DBNL: variants seen among roughly 807,000 people sequenced by gnomAD.
DBNL encodes drebrin like.
A neutral mutation model predicts 62.2 loss-of-function variants in DBNL; 35 were observed. The ratio of observed to expected loss-of-function variants is 0.56; its 90% confidence interval spans 0.43 to 0.75. The LOEUF (loss-of-function observed/expected upper bound fraction) is 0.75. Ranked by LOEUF, DBNL falls within the 30% of genes least tolerant of loss-of-function variation. DBNL has a pLI of 0.00. For missense variants in DBNL, 495 were observed against 578.4 expected (o/e 0.86, Z 1.48); for synonymous variants, 197 against 218.0 (o/e 0.90, Z 0.85).
chr7:44,053,217 G>A (rs188231794), intron 4 of DBNL, among the ~76,000 whole-genome samples: 57 of 152,328 alleles, frequency 3.7e-4, no homozygotes, highest in African/African-American at 1.3e-3. Context: ...AGAAGGGTGG[G>A]CCCTGGTTCT....
In DBNL at chr7:44,050,236, C is replaced by T; in HGVS notation, c.95C>T (p.Thr32Ile). Residue 32 changes from threonine (T) to isoleucine (I), a missense_variant, in exon 2 of 13, where the codon ACC becomes ATC. Transcript: ENST00000448521. ...EKSPTDWALF[T>I]YEGNSNDIRV... ...GTGTTTCGTTTCAGGGCTCTCTTTACCTATGAAGGCAACAGCAATGACATC... is the reference window on the plus strand; with the variant it reads ...GTGTTTCGTTTCAGGGCTCTCTTTATCTATGAAGGCAACAGCAATGACATC... The T allele has an allele frequency of 6.2e-7, 1 of 1,613,750 alleles. No homozygotes were observed. Among genetic ancestry groups the T allele is most frequent in the Non-Finnish European group, 8.5e-7 (1 of 1,179,702 alleles).
intron 4 of DBNL, among the ~76,000 whole-genome samples, chr7:44,054,379 G>C (rs1405907859): frequency 1.3e-5 from 2 of 152,128 alleles, no homozygotes. Flanking sequence ...TTTTAGTAGA[G>C]ATGGTGTTTC....
Position 44,059,341 on chromosome 7 carries a change from C to A in DBNL, c.836-13C>A, listed in dbSNP as rs758203761. On this transcript the variant is annotated splice_polypyrimidine_tract_variant and intron_variant, in intron 9 of 12. Transcript: ENST00000448521. The surrounding 1 kb of genome is among the most constrained non-coding windows in gnomAD (Gnocchi z 4.1). Reference sequence around the variant, plus strand: ...GTTTCTGAAGTGATGTATATATTTACCCGGGTTTGCAGGCAAGCTGAGGAG... The same window carrying A: ...GTTTCTGAAGTGATGTATATATTTAACCGGGTTTGCAGGCAAGCTGAGGAG... 24 of 1,613,444 alleles carry A rather than the reference C, an allele frequency of 1.5e-5. No individual in the cohort carries two copies. Among genetic ancestry groups the A allele is most frequent in the Non-Finnish European group, 1.9e-5 (22 of 1,179,764 alleles).
chr7:44,060,992 C>T lies in DBNL; in HGVS notation c.*76C>T. 1 of 1,542,560 alleles carries T rather than the reference C, an allele frequency of 6.5e-7. No homozygotes were observed. The highest frequency in any genetic ancestry group is 8.7e-7 in the Non-Finnish European group (1 of 1,143,576). On this transcript the variant is annotated 3_prime_UTR_variant, in exon 13 of 13. Transcript: ENST00000448521. This position sits in a 1 kb window ranked among gnomAD's most constrained non-coding sequence, Gnocchi z 6.3. ...CTGGAAGAGGAGGCCTGGGAGTTGA[C>T]ATTCAGCACTCTTCCAGGAATAGGA...
In DBNL at chr7:44,068,605, A is replaced by T. The variant is rs1041518401; in HGVS notation, c.*7689A>T. On this transcript the variant is annotated 3_prime_UTR_variant, in exon 13 of 13. Coordinates refer to ENST00000448521, the MANE Select transcript of DBNL (RefSeq NM_001014436.3). ...GAAAATCTTAACATGGGAGAAAAGA[A>T]GATGATCAATACATGCCCATCCTGA... 3.3e-5 allele frequency: 5 copies of T among 152,272 alleles called. 1 individual carries two copies. The highest frequency in any genetic ancestry group is 7.3e-5 in the Non-Finnish European group (5 of 68,054). The allele number at this position is 152,272 out of a possible 1,614,324, so 9.4% of individuals were successfully genotyped here.
In DBNL at chr7:44,060,900, T is replaced by C; in HGVS notation, c.1277T>C (p.Val426Ala). 6.2e-7 allele frequency: 1 copy of C among 1,614,032 alleles called. No individual in the cohort carries two copies. Among genetic ancestry groups the C allele is most frequent in the Non-Finnish European group, 8.5e-7 (1 of 1,179,954 alleles). Residue 426 changes from valine to alanine, a missense_variant, in exon 13 of 13, where the codon GTG becomes GCG. Transcript: ENST00000448521. This position sits in a 1 kb window ranked among gnomAD's most constrained non-coding sequence, Gnocchi z 6.3. ...TTTGGCATGTTCCCTGCCAACTACGTGGAGCTCATTGAGTGAGGCTGAGGG... is the reference window on the plus strand; with the variant it reads ...TTTGGCATGTTCCCTGCCAACTACGCGGAGCTCATTGAGTGAGGCTGAGGG... ...GHFGMFPANY[V>A]ELIE
intron 4 of DBNL, 70 bp downstream of exon 4, chr7:44,053,011 T>C (rs932449164): frequency 7.7e-5 from 119 of 1,551,486 alleles, no homozygotes; most frequent in Non-Finnish European, 9.9e-5. Flanking sequence ...GGTTCCTGGG[T>C]GCGAGCAAGT....
rs893435652 is a variant in DBNL, at chr7:44,065,698, G to A, written c.*4782G>A. On this transcript the variant is annotated 3_prime_UTR_variant, in exon 13 of 13. Coordinates refer to ENST00000448521, the MANE Select transcript of DBNL (RefSeq NM_001014436.3). ...TGAGCTGCTGGGGGCTGGGGGCCAG[G>A]GGAGTGTGCAGGCCAAGAGGCTGTG... The A allele has an allele frequency of 1.7e-5, 12 of 686,722 alleles. No homozygotes were observed. The highest frequency in any genetic ancestry group is 2.6e-5 in the Non-Finnish European group (10 of 387,572). 42.5% of individuals were successfully genotyped at this position (686,722 alleles called of 1,614,324 possible). A position where few individuals can be genotyped will look rare whatever the true frequency, so the allele number is the denominator to read the frequency against.
chr7:44,059,532 C>G lies in DBNL; in HGVS notation c.932-11C>G. 6.2e-7 allele frequency: 1 copy of G among 1,613,462 alleles called. No homozygotes were observed. Among genetic ancestry groups the G allele is most frequent in the Non-Finnish European group, 8.5e-7 (1 of 1,179,800 alleles). The stretch of plus-strand genomic sequence containing the variant: ...TGTGGGAGTGAGAACCTGCTGTGTT[C>G]CCTGGTGCAGATCTCCCTGCTGAGG... On this transcript the variant is annotated splice_polypyrimidine_tract_variant and intron_variant, in intron 10 of 12. Coordinates refer to ENST00000448521, the MANE Select transcript of DBNL (RefSeq NM_001014436.3). The surrounding 1 kb of genome is among the most constrained non-coding windows in gnomAD (Gnocchi z 4.1).
chr7:44,054,566 A>G (rs1404147380), intron 4 of DBNL, among the ~76,000 whole-genome samples: 1 of 152,246 alleles, frequency 6.6e-6, no homozygotes, highest in Non-Finnish European at 1.5e-5. Context: ...ATACCTGTAT[A>G]CAATGTATAC....
chr7:44,065,162 G>C lies in DBNL; in HGVS notation c.*4246G>C, dbSNP rs372435680. 1.1e-5 allele frequency: 17 copies of C among 1,613,904 alleles called. No individual in the cohort carries two copies. The highest frequency in any genetic ancestry group is 1.3e-5 in the Non-Finnish European group (15 of 1,180,020). ...GGGGTGCTTCTCGTCCATCGGGGGC[G>C]GCGGGATGTCGAAGGAGCGCCTCCA... On this transcript the variant is annotated 3_prime_UTR_variant, in exon 13 of 13. Coordinates refer to ENST00000448521, the MANE Select transcript of DBNL (RefSeq NM_001014436.3).
chr7:44,066,005 C>T lies in DBNL; in HGVS notation c.*5089C>T. 3.7e-6 allele frequency: 1 copy of T among 271,936 alleles called. No homozygotes were observed. Among genetic ancestry groups the T allele is most frequent in the Non-Finnish European group, 7.3e-6 (1 of 137,012 alleles). The allele number at this position is 271,936 out of a possible 1,614,324, so 16.8% of individuals were successfully genotyped here. ...AGCCAGGCTAGGAGGCGGCCCTCAG[C>T]AGGCAGAGGAGGAGAGCCAGAGGAG... On this transcript the variant is annotated 3_prime_UTR_variant, in exon 13 of 13. Coordinates refer to ENST00000448521, the MANE Select transcript of DBNL (RefSeq NM_001014436.3).
Position 44,064,797 on chromosome 7 carries a change from A to ACCCC in DBNL, c.*3884_*3885insCCCC. 3.2e-6 allele frequency: 2 copies of ACCCC among 633,298 alleles called. No individual in the cohort carries two copies. The highest frequency in any genetic ancestry group is 5.5e-6 in the Non-Finnish European group (2 of 361,378). 39.2% of individuals were successfully genotyped at this position (633,298 alleles called of 1,614,324 possible). A position where few individuals can be genotyped will look rare whatever the true frequency, so the allele number is the denominator to read the frequency against. ...GAGAAGCCAGCTGGGGCTGCTGCCCACCCACCCTGCCCAGGCTCCTGAAGG... is the reference window on the plus strand; with the variant it reads ...GAGAAGCCAGCTGGGGCTGCTGCCCACCCCCCCACCCTGCCCAGGCTCCTGAAGG... On this transcript the variant is annotated 3_prime_UTR_variant, in exon 13 of 13. Transcript: ENST00000448521.
Position 44,065,399 on chromosome 7 carries a change from G to T in DBNL, c.*4483G>T. ...AAACTCCATCTTGGCATCCTTGATGGCCTTGGCTCCCCGCTTGGCCTCCTC... is the reference window on the plus strand; with the variant it reads ...AAACTCCATCTTGGCATCCTTGATGTCCTTGGCTCCCCGCTTGGCCTCCTC... On this transcript the variant is annotated 3_prime_UTR_variant, in exon 13 of 13. Transcript: ENST00000448521. 6.2e-7 allele frequency: 1 copy of T among 1,614,076 alleles called. No individual in the cohort carries two copies. The highest frequency in any genetic ancestry group is 8.5e-7 in the Non-Finnish European group (1 of 1,180,034).
chr7:44,046,779 TC>T (rs1440413923), intron 1 of DBNL, among the ~76,000 whole-genome samples: 1 of 152,226 alleles, frequency 6.6e-6, no homozygotes, highest in Non-Finnish European at 1.5e-5. Flanking sequence ...CCATGTCACT[TC>T]CGTGTCTGTA....
At chr7:44,044,926 G>T in intron 1 of DBNL, 106 bp downstream of exon 1, 1 of 1,191,982 alleles carries the variant, frequency 8.4e-7, no homozygotes, top group Non-Finnish European at 1.1e-6. Context: ...GCGCGGAGCG[G>T]TGCCCAGGCA....
At chr7:44,051,536 T>G (rs1022713681) in intron 2 of DBNL, 1 of 253,820 alleles carries the variant, frequency 3.9e-6, no homozygotes, top group African/African-American at 2.2e-5. Context: ...TGTTTTTATT[T>G]CCAGAATTAC....
Position 44,059,341 on chromosome 7 carries a change from C to T in DBNL, c.836-13C>T, listed in dbSNP as rs758203761. The stretch of plus-strand genomic sequence containing the variant: ...GTTTCTGAAGTGATGTATATATTTA[C>T]CCGGGTTTGCAGGCAAGCTGAGGAG... On this transcript the variant is annotated splice_polypyrimidine_tract_variant and intron_variant, in intron 9 of 12. Transcript: ENST00000448521. This position sits in a 1 kb window ranked among gnomAD's most constrained non-coding sequence, Gnocchi z 4.1. 8 of 1,613,444 alleles carry T rather than the reference C, an allele frequency of 5.0e-6. No individual in the cohort carries two copies. The South Asian group carries it at 8.8e-5, about 18-fold the overall frequency.
intron 8 of DBNL, 34 bp downstream of exon 8, chr7:44,058,514 T>A (rs2096141315): frequency 6.2e-7 from 1 of 1,612,158 alleles, no homozygotes; most frequent in Admixed American, 1.7e-5. Flanking sequence ...TTTGGACCTG[T>A]CCTGGCCACA....
Sources: allele counts gnomAD v4.1 joint callset (sites outside exome capture counted in the v4.1 genomes callset), GRCh38; gene constraint gnomAD v4.1.1; non-coding constraint Gnocchi (gnomAD v3.1); transcripts MANE v1.5; gene names NCBI Gene and HGNC (gene_info 2026-07-23, HGNC 2026-07-21).